SLC27A2: variants seen among roughly 807,000 people sequenced by gnomAD.
SLC27A2 encodes the protein solute carrier family 27 member 2, also known as long-chain fatty acid transport protein 2.
Under a neutral mutation model 60.0 loss-of-function variants are expected in SLC27A2, and 54 were observed. That is an observed-to-expected ratio of 0.90 (90% CI 0.72 to 1.13). The LOEUF is 1.13. Among genes scored for constraint, SLC27A2 ranks in the 50% most tolerant of loss-of-function variants. SLC27A2 has a pLI of 0.00. For synonymous variants in SLC27A2, 297 were observed against 297.6 expected, an observed-to-expected ratio of 1.00 and a Z score of 0.02; for missense variants, 739 against 777.6, an observed-to-expected ratio of 0.95 and a Z score of 0.59.
At chr15:50,192,725 G>A (rs112390895) in intron 1 of SLC27A2, among the ~76,000 whole-genome samples, 8 of 141,620 alleles carry the variant, frequency 5.6e-5, no homozygotes, top group African/African-American at 2.1e-4. Flanking sequence ...TTCTTTGTGT[G>A]TGTATTTTTT....
chr15:50,197,683 T>C lies in SLC27A2; in HGVS notation c.662T>C (p.Leu221Ser). The C allele has an allele frequency of 6.2e-7, 1 of 1,613,382 alleles. No homozygotes were observed. The highest frequency in any genetic ancestry group is 8.5e-7 in the Non-Finnish European group (1 of 1,179,388). Residue 221 changes from leucine to serine, a missense_variant, in exon 2 of 10, where the codon TTA becomes TCA. Coordinates refer to ENST00000267842, the MANE Select transcript of SLC27A2 (RefSeq NM_003645.4). ...GAAGTCACTTTTTCCACTCCTGCCT[T>C]ATACATTTATACTTCTGGAACCACA... is the stretch of plus-strand genomic sequence containing the variant. ...RSEVTFSTPA[L>S]YIYTSGTTGL...
intron 4 of SLC27A2, among the ~76,000 whole-genome samples, chr15:50,211,033 A>T (rs2045150799): frequency 6.6e-6 from 1 of 152,184 alleles, no homozygotes; most frequent in Admixed American, 6.5e-5. Flanking sequence ...GCCCCACCTG[A>T]TGGTCCTTCC....
intron 4 of SLC27A2, among the ~76,000 whole-genome samples, chr15:50,211,716 G>T (rs1285990811): frequency 3.3e-5 from 5 of 151,810 alleles, no homozygotes; most frequent in Non-Finnish European, 5.9e-5. Context: ...CCCAATGCAA[G>T]GAAATCCAAA....
chr15:50,184,492 A>C (rs1255827909), intron 1 of SLC27A2, among the ~76,000 whole-genome samples: 2 of 152,194 alleles, frequency 1.3e-5, no homozygotes, highest in Non-Finnish European at 2.9e-5. Flanking sequence ...TGTGGCATGA[A>C]ATAAATAATC....
chr15:50,197,448 A>G, intron 1 of SLC27A2, 52 bp from the exon 2 acceptor site: 2 of 1,417,964 alleles, frequency 1.4e-6, no homozygotes, highest in South Asian at 1.2e-5. Context: ...GCACTAATAG[A>G]ACTTTAATAG....
At chr15:50,201,236 A>G (rs1281370642) in intron 2 of SLC27A2, among the ~76,000 whole-genome samples, 1 of 152,160 alleles carries the variant, frequency 6.6e-6, no homozygotes, top group Non-Finnish European at 1.5e-5. Flanking sequence ...CTCCTGCCTC[A>G]GCCTCCCAAA....
intron 4 of SLC27A2, among the ~76,000 whole-genome samples, chr15:50,217,225 G>A (rs993171398): frequency 6.6e-6 from 1 of 151,714 alleles, no homozygotes; most frequent in Non-Finnish European, 1.5e-5. Flanking sequence ...AAATACCATC[G>A]GTACCCCCAA....
At chr15:50,196,069 AAAAAAAAAATATATATATATAT>A (rs2045015979) in intron 1 of SLC27A2, among the ~76,000 whole-genome samples, 2 of 26,936 alleles carry the variant, frequency 7.4e-5, no homozygotes, top group African/African-American at 2.1e-4. Context: ...AAAAAAAAAA[AAAAAAAAAATATATATATATAT>A]ATATATATAT....
chr15:50,192,270 T>C (rs868267627), intron 1 of SLC27A2, among the ~76,000 whole-genome samples: 1 of 151,372 alleles, frequency 6.6e-6, no homozygotes, highest in Non-Finnish European at 1.5e-5. Flanking sequence ...CGCTGGAAAC[T>C]CAAGTCTGCC....
Position 50,186,168 on chromosome 15 carries a change from C to T in SLC27A2, c.478+3263C>T, listed in dbSNP as rs531625688. Among the ~76,000 whole-genome samples, 5 of 152,116 alleles carry T rather than the reference C, an allele frequency of 3.3e-5. No individual in the cohort carries two copies. The South Asian group carries it at 6.2e-4, about 19-fold the overall frequency. ...CTGAGGTGAAAGGATTGCTTGAGCC[C>T]GGGAGGTTGAGGCTGCACTGAGCTC... On this transcript the variant is annotated intron_variant, in intron 1 of 9. Transcript: ENST00000267842.
chr15:50,203,023 A>G (rs1290470233), intron 3 of SLC27A2, among the ~76,000 whole-genome samples: 3 of 134,812 alleles, frequency 2.2e-5, no homozygotes, highest in Non-Finnish European at 4.7e-5. Context: ...TAAAAAAAAT[A>G]TATATATATA....
chr15:50,202,603 A>G lies in SLC27A2; in HGVS notation c.805A>G (p.Ser269Gly). The G allele has an allele frequency of 6.2e-7, 1 of 1,614,180 alleles. No homozygotes were observed. Among genetic ancestry groups the G allele is most frequent in the Non-Finnish European group, 8.5e-7 (1 of 1,180,028 alleles). ...CTATATCACTCTGCCCTTTTACCAC[A>G]GTGCTGCACTACTGATTGGCATTCA... is the stretch of plus-strand genomic sequence containing the variant. ...VIYITLPFYH[S>G]AALLIGIHGC... The change falls in exon 3 of 10, where the codon AGT becomes GGT. Residue 269 changes from serine to glycine, a missense_variant. Coordinates refer to ENST00000267842, the MANE Select transcript of SLC27A2 (RefSeq NM_003645.4).
intron 1 of SLC27A2, among the ~76,000 whole-genome samples, chr15:50,189,476 C>CT (rs1244077044): frequency 1.3e-5 from 2 of 152,192 alleles, no homozygotes; most frequent in African/African-American, 4.8e-5. Flanking sequence ...GATTCCCAGC[C>CT]TAGTAGCCCA....
chr15:50,227,622 T>C (rs968972763), intron 7 of SLC27A2, among the ~76,000 whole-genome samples: 1 of 152,140 alleles, frequency 6.6e-6, no homozygotes, highest in Non-Finnish European at 1.5e-5. Flanking sequence ...CCCAACCAGA[T>C]GGTTTCCCAC....
At chr15:50,196,670 G>A (rs932985508) in intron 1 of SLC27A2, among the ~76,000 whole-genome samples, 11 of 152,088 alleles carry the variant, frequency 7.2e-5, no homozygotes, top group African/African-American at 2.2e-4. Flanking sequence ...TTTAAATATC[G>A]CTCAGTTTAA....
At chr15:50,224,301 A>G (rs1033645779) in intron 5 of SLC27A2, among the ~76,000 whole-genome samples, 4 of 152,042 alleles carry the variant, frequency 2.6e-5, no homozygotes, top group South Asian at 4.1e-4. Context: ...TTAGCCGGGC[A>G]TGGTGGCGGG....
Position 50,197,576 on chromosome 15 carries a change from T to C in SLC27A2, c.555T>C (p.Thr185=). ...DDVSIYYVSR[T]SNTDGIDSFL... is the part of the protein sequence containing the mutation. ...TGTCCATCTATTATGTGAGCAGAAC[T>C]TCTAACACAGATGGGATTGACTCTT... The change falls in exon 2 of 10, where the codon ACT becomes ACC. Residue 185 remains threonine (T), a synonymous_variant. Coordinates refer to ENST00000267842, the MANE Select transcript of SLC27A2 (RefSeq NM_003645.4). 1.2e-6 allele frequency: 2 copies of C among 1,614,096 alleles called. No individual in the cohort carries two copies. Among genetic ancestry groups the C allele is most frequent in the Non-Finnish European group, 1.7e-6 (2 of 1,179,972 alleles).
chr15:50,197,503 T>C lies in SLC27A2; in HGVS notation c.482T>C (p.Leu161Pro). The C allele has an allele frequency of 6.2e-7, 1 of 1,611,956 alleles. No homozygotes were observed. Among genetic ancestry groups the C allele is most frequent in the South Asian group, 1.1e-5 (1 of 90,978 alleles). ...GAKVLLVSPE[L>P]QAAVEEILPS... Reference sequence around the variant, plus strand: ...ATATTTTTCTTATTAAATTAAGAACTACAAGCAGCTGTCGAAGAGATACTG... The same window carrying C: ...ATATTTTTCTTATTAAATTAAGAACCACAAGCAGCTGTCGAAGAGATACTG... Residue 161 changes from leucine to proline, a missense_variant, in exon 2 of 10, where the codon CTA (leucine) becomes CCA (proline). Leu to Pro is a moderately conservative substitution (Grantham distance 98). Coordinates refer to ENST00000267842, the MANE Select transcript of SLC27A2 (RefSeq NM_003645.4).
intron 1 of SLC27A2, among the ~76,000 whole-genome samples, chr15:50,192,901 T>C (rs940790027): frequency 6.6e-6 from 1 of 150,910 alleles, no homozygotes; most frequent in Non-Finnish European, 1.5e-5. Flanking sequence ...AAAAAAAGAC[T>C]GTTGCTAAGT....
Sources: allele counts gnomAD v4.1 joint callset (sites outside exome capture counted in the v4.1 genomes callset), GRCh38; gene constraint gnomAD v4.1.1; transcripts MANE v1.5; gene names NCBI Gene and HGNC (gene_info 2026-07-23, HGNC 2026-07-21).